The following GABRG1 variants were observed in gnomAD, a reference collection of about 807,000 sequenced individuals.
The protein encoded by GABRG1 is gamma-aminobutyric acid receptor subunit gamma-1.
GABRG1 carries 49 observed loss-of-function variants against 49.8 expected under a neutral mutation model. The observed-to-expected ratio is 0.98, with a 90% CI of 0.78 to 1.25. The LOEUF is 1.25. Among genes scored for constraint, GABRG1 ranks in the 50% most tolerant of loss-of-function variants. The probability of loss-of-function intolerance (pLI) is 0.00; values close to 1 mark genes in which losing one functional copy is unlikely to be tolerated. For synonymous variants in GABRG1, 232 were observed against 185.1 expected, an observed-to-expected ratio of 1.25 and a Z score of -2.06; for missense variants, 552 against 552.3, an observed-to-expected ratio of 1.00 and a Z score of 0.01.
chr4:46,095,747 A>C (rs888124429), intron 2 of GABRG1, among the ~76,000 whole-genome samples: 1 of 151,902 alleles, frequency 6.6e-6, no homozygotes, highest in Non-Finnish European at 1.5e-5. Flanking sequence ...CAACTTTCTG[A>C]AAAATCTACT....
At chr4:46,089,334 C>G (rs1719895264) in intron 2 of GABRG1, among the ~76,000 whole-genome samples, 1 of 152,074 alleles carries the variant, frequency 6.6e-6, no homozygotes, top group African/African-American at 2.4e-5. Context: ...CCTAAGGCCA[C>G]TTGATGTTAC....
intron 2 of GABRG1, among the ~76,000 whole-genome samples, chr4:46,088,814 T>TG (rs57145515): frequency 0.38 from 50,509 of 132,258 alleles, 9,427 homozygotes; most frequent in African/African-American, 0.47. Flanking sequence ...TTTGTGTGTG[T>TG]TTGTGTGTGT....
chr4:46,098,476 C>T (rs1404931144), intron 1 of GABRG1, among the ~76,000 whole-genome samples: 1 of 151,758 alleles, frequency 6.6e-6, no homozygotes. Context: ...ACAGTAAATA[C>T]TTAATGCTTT....
intron 1 of GABRG1, among the ~76,000 whole-genome samples, chr4:46,097,897 A>G (rs543690635): frequency 1.3e-5 from 2 of 151,868 alleles, no homozygotes; most frequent in African/African-American, 4.8e-5. Context: ...AGTCGGAAGA[A>G]CCCAGCCATC....
chr4:46,051,131 C>G (rs1043963247), intron 8 of GABRG1, among the ~76,000 whole-genome samples: 1 of 151,748 alleles, frequency 6.6e-6, no homozygotes, highest in Non-Finnish European at 1.5e-5. Flanking sequence ...CACAAAAAAT[C>G]GGATCAAAGG....
Position 46,099,295 on chromosome 4 carries a change from A to G in GABRG1, c.105-1946T>C, listed in dbSNP as rs116891871. 3.3e-5 allele frequency among the ~76,000 whole-genome samples: 5 copies of G among 151,770 alleles called. No individual in the cohort carries two copies. The East Asian group carries it at 9.8e-4, about 30-fold the overall frequency. On this transcript the variant is annotated intron_variant, in intron 1 of 8. Coordinates refer to ENST00000295452, the MANE Select transcript of GABRG1 (RefSeq NM_173536.4). ...TGCATCACTACCAAGCAGTGGGTTTAGTGTCAGTGAAGTTTATTACATCTC... is the reference window on the plus strand; with the variant it reads ...TGCATCACTACCAAGCAGTGGGTTTGGTGTCAGTGAAGTTTATTACATCTC...
chr4:46,105,383 C>T (rs1720500406), intron 1 of GABRG1, among the ~76,000 whole-genome samples: 1 of 151,444 alleles, frequency 6.6e-6, no homozygotes, highest in South Asian at 2.1e-4. Flanking sequence ...ATGATACAGA[C>T]AAATATAAAC....
intron 3 of GABRG1, among the ~76,000 whole-genome samples, chr4:46,078,988 G>A (rs573260543): frequency 1.5e-4 from 22 of 151,382 alleles, no homozygotes; most frequent in African/African-American, 5.3e-4. Flanking sequence ...CAATATTATT[G>A]AGAAAAATCC....
intron 1 of GABRG1, among the ~76,000 whole-genome samples, chr4:46,119,337 G>C (rs568215019): frequency 8.6e-5 from 13 of 150,942 alleles, no homozygotes; most frequent in Admixed American, 6.0e-4. Flanking sequence ...TCATTGTTTT[G>C]ACTTATATTG....
At chr4:46,097,060 A>G (rs914245686) in intron 2 of GABRG1, 141 bp downstream of exon 2, 15 of 717,348 alleles carry the variant, frequency 2.1e-5, no homozygotes, top group Middle Eastern at 4.0e-4. Context: ...ATTAGTGACC[A>G]TTCTAACCAA....
intron 1 of GABRG1, among the ~76,000 whole-genome samples, chr4:46,097,867 A>T (rs927271925): frequency 1.3e-5 from 2 of 151,720 alleles, no homozygotes; most frequent in African/African-American, 4.8e-5. Flanking sequence ...TGTTGTACAT[A>T]CTGTTGCTCA....
In GABRG1 at chr4:46,065,330, T is replaced by C. The variant is rs144851568; in HGVS notation, c.542+34A>G. 561 of 1,368,362 alleles carry C rather than the reference T, an allele frequency of 4.1e-4. No individual in the cohort carries two copies. The African/African-American group carries it at 7.3e-3, about 18-fold the overall frequency. The allele number at this position is 1,368,362 out of a possible 1,614,324, so 84.8% of individuals were successfully genotyped here. A position where few individuals can be genotyped will look rare whatever the true frequency, so the allele number is the denominator to read the frequency against. On this transcript the variant is annotated intron_variant, in intron 4 of 8. Transcript: ENST00000295452. ...ATTAAATATTAGTATGGAAAATAAA[T>C]GAGAGCAACTACAGATTTTTAAACC...
At chr4:46,112,034 T>C (rs559434748) in intron 1 of GABRG1, among the ~76,000 whole-genome samples, 150 of 151,308 alleles carry the variant, frequency 9.9e-4, no homozygotes, top group Non-Finnish European at 1.6e-3. Flanking sequence ...CAAAAACAAC[T>C]GTCAAGGAGT....
intron 3 of GABRG1, 138 bp downstream of exon 3, chr4:46,083,848 T>A: frequency 1.5e-6 from 1 of 654,264 alleles, no homozygotes; most frequent in Non-Finnish European, 2.7e-6. Flanking sequence ...TGCCAATACC[T>A]GGCACAAAGT....
chr4:46,053,281 T>C (rs922955899), intron 7 of GABRG1, among the ~76,000 whole-genome samples: 3 of 151,926 alleles, frequency 2.0e-5, no homozygotes, highest in Non-Finnish European at 2.9e-5. Flanking sequence ...TTTAATGATC[T>C]ATATGCACTT....
intron 1 of GABRG1, among the ~76,000 whole-genome samples, chr4:46,097,820 G>A (rs1260352691): frequency 1.3e-5 from 2 of 151,656 alleles, no homozygotes; most frequent in East Asian, 3.9e-4. Context: ...AAGAAAAATT[G>A]AGTAAAGGAA....
At chr4:46,063,197 G>T (rs1718771946) in intron 5 of GABRG1, among the ~76,000 whole-genome samples, 1 of 151,990 alleles carries the variant, frequency 6.6e-6, no homozygotes, top group Admixed American at 6.6e-5. Flanking sequence ...CCAAAAAAAA[G>T]CCCGCATTGC....
chr4:46,092,789 C>T (rs749194810), intron 2 of GABRG1, among the ~76,000 whole-genome samples: 31 of 151,862 alleles, frequency 2.0e-4, no homozygotes, highest in Non-Finnish European at 3.5e-4. Flanking sequence ...TGGCCAGGAG[C>T]GGTGGCTCAC....
chr4:46,102,214 T>C (rs1446280133), intron 1 of GABRG1, among the ~76,000 whole-genome samples: 2 of 151,624 alleles, frequency 1.3e-5, no homozygotes, highest in African/African-American at 2.4e-5. Flanking sequence ...GCCACTTGGT[T>C]CTCCTGCTGT....
Sources: gnomAD v4.1 joint callset for allele counts (sites outside exome capture counted in the v4.1 genomes callset) on GRCh38, gnomAD v4.1.1 for gene constraint, MANE v1.5 for transcripts, NCBI Gene and HGNC (gene_info 2026-07-23, HGNC 2026-07-21) for gene names.